The following KIAA1755 variants were observed in gnomAD, a reference collection of about 807,000 sequenced individuals.
KIAA1755 encodes uncharacterized protein KIAA1755.
A neutral mutation model predicts 91.7 loss-of-function variants in KIAA1755; 68 were observed. The observed-to-expected ratio is 0.74, with a 90% CI of 0.61 to 0.91. The LOEUF (loss-of-function observed/expected upper bound fraction) is 0.91, where lower values mean the gene tolerates loss of function less well. Ranked by LOEUF, KIAA1755 falls within the 40% of genes least tolerant of loss-of-function variation. The pLI, the probability that KIAA1755 is intolerant of heterozygous loss-of-function variation, is 0.00. For synonymous variants in KIAA1755, 610 were observed against 604.6 expected (o/e 1.01, Z -0.13); for missense variants, 1,535 against 1,494.4 (o/e 1.03, Z -0.45).
At chr20:38,231,121 TC>T in intron 5 of KIAA1755, 80 bp downstream of exon 5, 1 of 1,422,074 alleles carries the variant, frequency 7.0e-7, no homozygotes, top group Non-Finnish European at 9.5e-7. Flanking sequence ...ATGGTGCCTC[TC>T]CACTCAGTGT....
At chr20:38,218,039 A>T in intron 12 of KIAA1755, 1 of 638,646 alleles carries the variant, frequency 1.6e-6, no homozygotes, top group East Asian at 2.8e-5. Context: ...GGGGATTCAG[A>T]ATATTCTTTG....
chr20:38,217,835 G>A (rs763990010), intron 12 of KIAA1755: 30 of 397,686 alleles, frequency 7.5e-5, no homozygotes, highest in Admixed American at 3.3e-4. Context: ...GTTTGTCCCC[G>A]CCCCCGCCCC....
Position 38,213,624 on chromosome 20 carries a change from A to T in KIAA1755, c.3021T>A (p.Ser1007=). 6.2e-7 allele frequency: 1 copy of T among 1,611,430 alleles called. No individual in the cohort carries two copies. The highest frequency in any genetic ancestry group is 1.3e-5 in the African/African-American group (1 of 75,048). ...RLHRYLQRLA[S]EFPAEKLAAV... Reference sequence around the variant, plus strand: ...CTGCGAGCTTCTCAGCAGGGAACTCAGATGCCAGTCGCTGCAGGTAGCGGT... The same window carrying T: ...CTGCGAGCTTCTCAGCAGGGAACTCTGATGCCAGTCGCTGCAGGTAGCGGT... Residue 1007 remains serine, a synonymous_variant, in exon 14 of 14, where the codon TCT becomes TCA. Coordinates refer to ENST00000279024, the MANE Select transcript of KIAA1755 (RefSeq NM_001029864.2).
chr20:38,234,999 C>T (rs926339684), intron 4 of KIAA1755, among the ~76,000 whole-genome samples: 14 of 152,082 alleles, frequency 9.2e-5, no homozygotes. Context: ...GTGGGTAAGT[C>T]GGGGTTGCCC....
intron 13 of KIAA1755, 80 bp downstream of exon 13, chr20:38,217,173 G>C: frequency 7.9e-7 from 1 of 1,267,428 alleles, no homozygotes; most frequent in Non-Finnish European, 1.1e-6. Context: ...CCATGGGGCT[G>C]TGTCTAGGTA....
In KIAA1755 at chr20:38,227,183, G is replaced by C; in HGVS notation, c.2023C>G (p.Leu675Val). 2 of 1,614,000 alleles carry C rather than the reference G, an allele frequency of 1.2e-6. No homozygotes were observed. Among genetic ancestry groups the C allele is most frequent in the African/African-American group, 1.3e-5 (1 of 75,050 alleles). The change falls in exon 7 of 14, where the codon CTC becomes GTC. Residue 675 changes from leucine (L) to valine (V), a missense_variant. Transcript: ENST00000279024. ...ACGTCAGGTAATGTCTGCAGCTGGA[G>C]AGCCGCCTCCTTCTCCCCCAGGAAG... Reference protein sequence around the residue: ...ILFLGEKEAALQLQTLPDVQV... With the variant: ...ILFLGEKEAAVQLQTLPDVQV...
At chr20:38,234,845 G>A (rs914872816) in intron 4 of KIAA1755, among the ~76,000 whole-genome samples, 15 of 152,208 alleles carry the variant, frequency 9.9e-5, no homozygotes, top group African/African-American at 3.6e-4. Flanking sequence ...GGGCCAAGGA[G>A]ACCCTTTTGC....
chr20:38,228,391 A>G (rs1216737461), intron 5 of KIAA1755, 151 bp from the exon 6 acceptor site: 2 of 551,804 alleles, frequency 3.6e-6, no homozygotes, highest in Non-Finnish European at 6.0e-6. Flanking sequence ...TGCCCCTTCT[A>G]GGAAGCCCTC....
intron 4 of KIAA1755, among the ~76,000 whole-genome samples, chr20:38,232,683 T>C (rs1384960794): frequency 2.0e-5 from 3 of 151,826 alleles, no homozygotes; most frequent in Non-Finnish European, 4.4e-5. Context: ...TATATATCAA[T>C]GTTATCCTCT....
rs1231464495 is a variant in KIAA1755 at position 38,246,861 on chromosome 20, C to T, written c.4-735G>A. On this transcript the variant is annotated intron_variant, in intron 1 of 13. Coordinates refer to ENST00000279024, the MANE Select transcript of KIAA1755 (RefSeq NM_001029864.2). ...GTCAGGCTCCTAGGCCAGAAATCTG[C>T]TCACAGCACTGCTTCTCCTCCTGCC... is the stretch of plus-strand genomic sequence containing the variant. 3.3e-5 allele frequency among the ~76,000 whole-genome samples: 5 copies of T among 152,194 alleles called. No homozygotes were observed. The South Asian group carries it at 8.3e-4, about 25-fold the overall frequency.
Position 38,213,502 on chromosome 20 carries a change from A to T in KIAA1755, c.3143T>A (p.Leu1048Gln). The change falls in exon 14 of 14, where the codon CTG becomes CAG. Residue 1048 changes from leucine (L) to glutamine (Q), a missense_variant. Coordinates refer to ENST00000279024, the MANE Select transcript of KIAA1755 (RefSeq NM_001029864.2). ...AGAGCTGTGGGTCAGTGCCTTCTCCAGGAGCATCCGGATCTCCTCATGCCT... is the reference window on the plus strand; with the variant it reads ...AGAGCTGTGGGTCAGTGCCTTCTCCTGGAGCATCCGGATCTCCTCATGCCT... ...RIRHEEIRML[L>Q]EKALTHSSCP... is the part of the protein sequence containing the mutation. The T allele has an allele frequency of 6.2e-7, 1 of 1,609,670 alleles. No individual in the cohort carries two copies. Among genetic ancestry groups the T allele is most frequent in the Non-Finnish European group, 8.5e-7 (1 of 1,178,410 alleles).
At chr20:38,239,322 T>C (rs1206539827) in intron 4 of KIAA1755, among the ~76,000 whole-genome samples, 1 of 152,218 alleles carries the variant, frequency 6.6e-6, no homozygotes, top group African/African-American at 2.4e-5. Context: ...GACAGACAGA[T>C]AGATGGGTGG....
Position 38,231,322 on chromosome 20 carries a change from C to T in KIAA1755, c.1751G>A (p.Gly584Asp), listed in dbSNP as rs753552619. The change falls in exon 5 of 14, where the codon GGC (glycine) becomes GAC (aspartate). Residue 584 changes from glycine to aspartate, a missense_variant. By Grantham distance (94) the Gly-to-Asp change is moderately conservative (BLOSUM62 -1). Coordinates refer to ENST00000279024, the MANE Select transcript of KIAA1755 (RefSeq NM_001029864.2). Reference sequence around the variant, plus strand: ...CAGGGGCCGCCCGGCCCTGTCCCGGCCACCTGGAGGACAGAGGGCACACGT... The same window carrying T: ...CAGGGGCCGCCCGGCCCTGTCCCGGTCACCTGGAGGACAGAGGGCACACGT... ...FRSRIACLPG[G>D]RDRAGRPLLL... 6.2e-7 allele frequency: 1 copy of T among 1,607,228 alleles called. No individual in the cohort carries two copies. The highest frequency in any genetic ancestry group is 8.5e-7 in the Non-Finnish European group (1 of 1,177,838).
intron 1 of KIAA1755, among the ~76,000 whole-genome samples, chr20:38,252,832 G>A (rs1276492101): frequency 6.6e-6 from 1 of 152,098 alleles, no homozygotes; most frequent in Non-Finnish European, 1.5e-5. Context: ...ACCCACTACA[G>A]GCCTGAACCC....
At chr20:38,226,222 A>T (rs542062872) in intron 7 of KIAA1755, among the ~76,000 whole-genome samples, 176 of 152,304 alleles carry the variant, frequency 1.2e-3, no homozygotes, top group Middle Eastern at 3.4e-3. Flanking sequence ...AAGTCACTAA[A>T]TCCCAACAGT....
At chr20:38,257,556 G>A (rs2076359470) in intron 1 of KIAA1755, among the ~76,000 whole-genome samples, 1 of 149,164 alleles carries the variant, frequency 6.7e-6, no homozygotes, top group African/African-American at 2.5e-5. Context: ...ACTACAGCCT[G>A]GGCAATAGAG....
intron 1 of KIAA1755, among the ~76,000 whole-genome samples, chr20:38,252,946 T>C (rs1247500346): frequency 6.6e-6 from 1 of 152,058 alleles, no homozygotes; most frequent in Non-Finnish European, 1.5e-5. Context: ...TCATTCCCAA[T>C]CCACCCGGCA....
chr20:38,221,447 G>C (rs2075657659), intron 10 of KIAA1755, among the ~76,000 whole-genome samples: 1 of 152,174 alleles, frequency 6.6e-6, no homozygotes, highest in African/African-American at 2.4e-5. Flanking sequence ...GCGTCCATCT[G>C]TGTAAGCCTG....
At chr20:38,219,324 C>T (rs904366827) in intron 11 of KIAA1755, among the ~76,000 whole-genome samples, 17 of 152,152 alleles carry the variant, frequency 1.1e-4, no homozygotes, top group African/African-American at 3.9e-4. Flanking sequence ...TGGATGAAAT[C>T]CTAGCACCTT....
Sources: gnomAD v4.1 joint callset for allele counts (sites outside exome capture counted in the v4.1 genomes callset) on GRCh38, gnomAD v4.1.1 for gene constraint, MANE v1.5 for transcripts, NCBI Gene and HGNC (gene_info 2026-07-23, HGNC 2026-07-21) for gene names.